The following PSG11 variants were observed in gnomAD, a reference collection of about 807,000 sequenced individuals.
The protein encoded by PSG11 is pregnancy-specific beta-1-glycoprotein 11.
A neutral mutation model predicts 36.0 loss-of-function variants in PSG11; 42 were observed. That is an observed-to-expected ratio of 1.17 (90% confidence interval 0.91 to 1.51). The LOEUF is 1.51. Among genes scored for constraint, PSG11 ranks in the 40% most tolerant of loss-of-function variants. PSG11 has a pLI of 0.00. For missense variants in PSG11, 558 were observed against 403.5 expected (o/e 1.38, Z -3.28); for synonymous variants, 206 against 153.5 (o/e 1.34, Z -2.53).
intron 2 of PSG11, among the ~76,000 whole-genome samples, chr19:43,023,285 G>C (rs989307160): frequency 2.0e-5 from 3 of 150,754 alleles, no homozygotes; most frequent in Non-Finnish European, 4.4e-5. Context: ...AGAGGTTTTG[G>C]ATCATTCATT....
chr19:43,016,040 G>A, intron 3 of PSG11: 2 of 1,608,962 alleles, frequency 1.2e-6, no homozygotes, highest in Non-Finnish European at 1.7e-6. Context: ...GGCATGGGCA[G>A]CTTTGCTGTG....
intron 2 of PSG11, among the ~76,000 whole-genome samples, chr19:43,020,327 G>A (rs1267683413): frequency 3.3e-5 from 5 of 151,270 alleles, no homozygotes; most frequent in Non-Finnish European, 5.9e-5. Flanking sequence ...TCCACAATGC[G>A]CCAGTGAGCA....
Position 43,018,617 on chromosome 19 carries a change from T to G in PSG11, c.709+153A>C. The G allele has an allele frequency of 4.5e-6, 7 of 1,540,134 alleles. 1 individual carries two copies. The highest frequency in any genetic ancestry group is 6.3e-6 in the Non-Finnish European group (7 of 1,119,752). On this transcript the variant is annotated intron_variant, in intron 3 of 5. Transcript: ENST00000320078. ...CACTGTGGATCAAGCCTAGGCCTAC[T>G]GTGGTTTGTCTGGGGCAGAAAGTCA...
At chr19:43,021,465 C>T (rs1219354823) in intron 2 of PSG11, among the ~76,000 whole-genome samples, 1 of 151,412 alleles carries the variant, frequency 6.6e-6, no homozygotes, top group African/African-American at 2.4e-5. Context: ...CATTCTCCTG[C>T]CTCGACCTCC....
At chr19:43,015,859 C>T in intron 3 of PSG11, 2 of 1,610,094 alleles carry the variant, frequency 1.2e-6, no homozygotes, top group East Asian at 2.2e-5. Context: ...TCTCGTGACA[C>T]TGGGTAGAAT....
chr19:43,008,179 C>G (rs768262811), intron 5 of PSG11, 137 bp from the exon 6 acceptor site: 5 of 264,254 alleles, frequency 1.9e-5, no homozygotes, highest in African/African-American at 4.5e-5. Context: ...GGTAAAGACA[C>G]AGCTCACATA....
At chr19:43,011,780 T>C (rs1321629341) in intron 4 of PSG11, among the ~76,000 whole-genome samples, 1 of 150,512 alleles carries the variant, frequency 6.6e-6, no homozygotes, top group Non-Finnish European at 1.5e-5. Flanking sequence ...AGTCCTAGCA[T>C]CTTGGGAGGC....
At position 43,024,901 on chromosome 19, in the gene PSG11, C is replaced by A. The variant is rs1217597296; in HGVS notation, c.220G>T (p.Asp74Tyr). ...GYIWYKGQIR[D>Y]LYHYITSYVV... ...TATGATGTAATGTAATGGTAGAGGT[C>A]CCTGATTTGCCCTTTGTACCAGATG... Residue 74 changes from aspartate to tyrosine, a missense_variant, in exon 2 of 6, where the codon GAC (aspartate) becomes TAC (tyrosine). Coordinates refer to ENST00000320078, the MANE Select transcript of PSG11 (RefSeq NM_002785.3). 1.2e-5 allele frequency: 19 copies of A among 1,611,558 alleles called. No homozygotes were observed. Among genetic ancestry groups the A allele is most frequent in the Non-Finnish European group, 1.5e-5 (18 of 1,179,052 alleles).
chr19:43,016,003 G>C, intron 3 of PSG11: 1 of 1,610,190 alleles, frequency 6.2e-7, no homozygotes, highest in South Asian at 1.1e-5. Flanking sequence ...ATTCTCCCTG[G>C]GGTTTAAGTT....
At chr19:43,025,209 G>A in intron 1 of PSG11, 153 bp from the exon 2 acceptor site, 1 of 1,326,370 alleles carries the variant, frequency 7.5e-7, no homozygotes, top group Non-Finnish European at 1.0e-6. Context: ...ACACAGAAAA[G>A]GGGCATGTGT....
rs778681037 is a variant in PSG11 at position 43,026,387 on chromosome 19, G to C, written c.-15C>G. On this transcript the variant is annotated 5_prime_UTR_variant, in exon 1 of 6. Transcript: ENST00000320078. ...AGGGGCCCCATGATCTCTGCTGCGT[G>C]CATGTTCTCCTCTGTGGAGATGAGC... 1.2e-6 allele frequency: 2 copies of C among 1,607,956 alleles called. No homozygotes were observed. Among genetic ancestry groups the C allele is most frequent in the Middle Eastern group, 1.7e-4 (1 of 6,032 alleles).
chr19:43,026,342 C>T lies in PSG11; in HGVS notation c.31G>A (p.Glu11Lys). MGPLSAPPCT[E>K]HIKWKGLLLT... Reference sequence around the variant, plus strand: ...AGGAGCCCCTTCCATTTGATGTGCTCTGTGCAGGGAGGGGCTGAGAGGGGC... The same window carrying T: ...AGGAGCCCCTTCCATTTGATGTGCTTTGTGCAGGGAGGGGCTGAGAGGGGC... The change falls in exon 1 of 6, where the codon GAG becomes AAG. Residue 11 changes from glutamate (E) to lysine (K), a missense_variant. Transcript: ENST00000320078. 6.2e-7 allele frequency: 1 copy of T among 1,611,158 alleles called. No homozygotes were observed. Among genetic ancestry groups the T allele is most frequent in the Non-Finnish European group, 8.5e-7 (1 of 1,178,654 alleles).
Position 43,021,805 on chromosome 19 carries a change from C to A in PSG11, c.431-2757G>T, listed in dbSNP as rs1428870549. On this transcript the variant is annotated intron_variant, in intron 2 of 5. Transcript: ENST00000320078. ...GAATGTAAGCTCCATAGCACGTTGA[C>A]GATGGAGTCATGAGTGAAACAGGTG... Among the ~76,000 whole-genome samples, 2 of 151,382 alleles carry A rather than the reference C, an allele frequency of 1.3e-5. 1 individual carries two copies. Among genetic ancestry groups the A allele is most frequent in the African/African-American group, 4.9e-5 (2 of 41,032 alleles).
Position 43,024,769 on chromosome 19 carries a change from C to T in PSG11, c.352G>A (p.Gly118Arg). 2.5e-6 allele frequency: 4 copies of T among 1,611,888 alleles called. No individual in the cohort carries two copies. The highest frequency in any genetic ancestry group is 3.4e-6 in the Non-Finnish European group (4 of 1,179,020). ...TTTATGATGTGTAAGGTGTAGGATC[C>T]TGCGTCCTCCCGGGTGACATTCTGG... ...LIQNVTREDA[G>R]SYTLHIIKRG... Residue 118 changes from glycine (G) to arginine (R), a missense_variant, in exon 2 of 6, where the codon GGA becomes AGA. Coordinates refer to ENST00000320078, the MANE Select transcript of PSG11 (RefSeq NM_002785.3).
chr19:43,015,767 A>C, intron 3 of PSG11: 1 of 1,610,292 alleles, frequency 6.2e-7, no homozygotes, highest in Non-Finnish European at 8.5e-7. Flanking sequence ...CAAAAGATAC[A>C]GAGGACATTC....
chr19:43,025,790 A>T (rs1967233339), intron 1 of PSG11, among the ~76,000 whole-genome samples: 1 of 150,264 alleles, frequency 6.7e-6, no homozygotes, highest in Non-Finnish European at 1.5e-5. Flanking sequence ...CTGATGATTA[A>T]TCAGGAAAAC....
Position 43,025,056 on chromosome 19 carries a change from G to A in PSG11, c.65C>T (p.Ala22Val), listed in dbSNP as rs1414055494. 1 of 1,608,616 alleles carries A rather than the reference G, an allele frequency of 6.2e-7. No individual in the cohort carries two copies. The highest frequency in any genetic ancestry group is 8.5e-7 in the Non-Finnish European group (1 of 1,177,212). ...HIKWKGLLLT[A>V]LLLNFWNLPT... Reference sequence around the variant, plus strand: ...CAAGTTCCAGAAGTTTAAAAGTAATGCTAGGAGGTGGAGAGAGCATCAGTC... The same window carrying A: ...CAAGTTCCAGAAGTTTAAAAGTAATACTAGGAGGTGGAGAGAGCATCAGTC... Residue 22 changes from alanine to valine, a missense_variant and splice_region_variant, in exon 2 of 6, where the codon GCA (alanine) becomes GTA (valine). Ala to Val is a moderately conservative substitution (Grantham distance 64). Coordinates refer to ENST00000320078, the MANE Select transcript of PSG11 (RefSeq NM_002785.3).
chr19:43,024,270 T>C (rs916005657), intron 2 of PSG11, among the ~76,000 whole-genome samples: 1 of 151,332 alleles, frequency 6.6e-6, no homozygotes, highest in African/African-American at 2.4e-5. Flanking sequence ...CTCAGCTTTA[T>C]CTGGAACAAG....
intron 4 of PSG11, among the ~76,000 whole-genome samples, chr19:43,013,037 T>C (rs937388393): frequency 2.6e-5 from 4 of 151,420 alleles, no homozygotes; most frequent in African/African-American, 9.7e-5. Context: ...GAAGGGACAG[T>C]GTTCTCACCA....
Sources: allele counts gnomAD v4.1 joint callset (sites outside exome capture counted in the v4.1 genomes callset), GRCh38; gene constraint gnomAD v4.1.1; transcripts MANE v1.5; gene names NCBI Gene and HGNC (gene_info 2026-07-23, HGNC 2026-07-21).